The following ZNF844 variants were observed in gnomAD, a reference collection of about 807,000 sequenced individuals.
The protein encoded by ZNF844 is zinc finger protein 844.
A neutral mutation model predicts 11.4 loss-of-function variants in ZNF844; 11 were observed. The ratio of observed to expected loss-of-function variants is 0.97; its 90% CI spans 0.61 to 1.60. ZNF844 has a LOEUF of 1.60. ZNF844 is among the 40% of genes most tolerant of loss of function. The pLI, the probability that ZNF844 is intolerant of heterozygous loss-of-function variation, is 0.00. For synonymous variants in ZNF844, 248 were observed against 260.3 expected (o/e 0.95, Z 0.46); for missense variants, 790 against 796.8 (o/e 0.99, Z 0.10).
In ZNF844 at chr19:12,080,684, A is replaced by G. The variant is rs1975888104; in HGVS notation, c.*3563A>G. The G allele has an allele frequency of 6.5e-6, 1 of 153,148 alleles. No individual in the cohort carries two copies. Among genetic ancestry groups the G allele is most frequent in the Non-Finnish European group, 1.5e-5 (1 of 68,540 alleles). The allele number at this position is 153,148 out of a possible 1,614,324, so 9.5% of individuals were successfully genotyped here. On this transcript the variant is annotated 3_prime_UTR_variant, in exon 4 of 4. Transcript: ENST00000439326. ...GTTAAGGGCAAATTGAAGAGAAATAAAGACTAAGATATTTTTTTAAAAGAC... is the reference window on the plus strand; with the variant it reads ...GTTAAGGGCAAATTGAAGAGAAATAGAGACTAAGATATTTTTTTAAAAGAC...
Position 12,077,111 on chromosome 19 carries a change from C to A in ZNF844, c.1991C>A (p.Thr664Lys). The change falls in exon 4 of 4, where the codon ACA becomes AAA. Residue 664 changes from threonine to lysine, a missense_variant. By Grantham distance (78) the Thr-to-Lys change is moderately conservative (BLOSUM62 -1). Coordinates refer to ENST00000439326, the MANE Select transcript of ZNF844 (RefSeq NM_001136501.3). ...LVPFVDIKGL[T>K]LE ...CCTTTCGTAGACATAAAAGGGCTCA[C>A]ACTGGAGTGAAACCGTATGAATGCA... The A allele has an allele frequency of 6.3e-7, 1 of 1,598,272 alleles. No homozygotes were observed. The highest frequency in any genetic ancestry group is 8.5e-7 in the Non-Finnish European group (1 of 1,171,946).
chr19:12,073,395 A>G (rs924654010), intron 1 of ZNF844, among the ~76,000 whole-genome samples: 2 of 151,936 alleles, frequency 1.3e-5, no homozygotes, highest in Admixed American at 1.3e-4. Flanking sequence ...ATCTCAAGCG[A>G]TCCGCACGCC....
chr19:12,069,474 C>T lies in ZNF844; in HGVS notation c.4-4557C>T, dbSNP rs748598986. Reference sequence around the variant, plus strand: ...GCTGGAATTAACAGGGGTGAGCCATCGCGCCCAGCCAGGAATGACTTTATT... The same window carrying T: ...GCTGGAATTAACAGGGGTGAGCCATTGCGCCCAGCCAGGAATGACTTTATT... On this transcript the variant is annotated intron_variant, in intron 1 of 3. Coordinates refer to ENST00000439326, the MANE Select transcript of ZNF844 (RefSeq NM_001136501.3). Among the ~76,000 whole-genome samples, 6 of 151,106 alleles carry T rather than the reference C, an allele frequency of 4.0e-5. No homozygotes were observed. The East Asian group carries it at 5.9e-4, about 15-fold the overall frequency.
At position 12,077,645 on chromosome 19, in the gene ZNF844, A is replaced by G. The variant is rs1300802945; in HGVS notation, c.*524A>G. 3.7e-6 allele frequency: 2 copies of G among 538,278 alleles called. No homozygotes were observed. Among genetic ancestry groups the G allele is most frequent in the Non-Finnish European group, 7.4e-6 (2 of 270,242 alleles). 33.3% of individuals were successfully genotyped at this position (538,278 alleles called of 1,614,324 possible). On this transcript the variant is annotated 3_prime_UTR_variant, in exon 4 of 4. Transcript: ENST00000439326. ...GCGAGAAACCCTATGAATGTAAGCA[A>G]TGTGGGAAAGCCTACAGATCTGTCT...
At chr19:12,071,215 A>G (rs1345253131) in intron 1 of ZNF844, among the ~76,000 whole-genome samples, 1 of 152,148 alleles carries the variant, frequency 6.6e-6, no homozygotes, top group Non-Finnish European at 1.5e-5. Context: ...CCCATGATAC[A>G]TGTGAAACTG....
intron 1 of ZNF844, among the ~76,000 whole-genome samples, chr19:12,073,284 C>T (rs964317811): frequency 2.6e-5 from 4 of 152,106 alleles, no homozygotes; most frequent in Admixed American, 1.3e-4. Flanking sequence ...CTCAGCCTCC[C>T]GAGTACCTGG....
At position 12,080,695 on chromosome 19, in the gene ZNF844, A is replaced by AT. The variant is rs1014830217; in HGVS notation, c.*3581dup. On this transcript the variant is annotated 3_prime_UTR_variant, in exon 4 of 4. Transcript: ENST00000439326. Reference sequence around the variant, plus strand: ...ATTGAAGAGAAATAAAGACTAAGATATTTTTTTAAAAGACTGAAAGAATAG... The same window carrying AT: ...ATTGAAGAGAAATAAAGACTAAGATATTTTTTTTAAAAGACTGAAAGAATAG... 5 of 152,654 alleles carry AT rather than the reference A, an allele frequency of 3.3e-5. No individual in the cohort carries two copies. Among genetic ancestry groups the AT allele is most frequent in the African/African-American group, 9.7e-5 (4 of 41,438 alleles). The allele number at this position is 152,654 out of a possible 1,614,324, so 9.5% of individuals were successfully genotyped here.
intron 1 of ZNF844, among the ~76,000 whole-genome samples, chr19:12,071,636 CT>C (rs1975753452): frequency 6.6e-6 from 1 of 151,414 alleles, no homozygotes; most frequent in South Asian, 2.1e-4. Flanking sequence ...CTTCTTGGCC[CT>C]TTTCATATAT....
At chr19:12,073,968 G>A in intron 1 of ZNF844, 63 bp from the exon 2 acceptor site, 6 of 1,552,264 alleles carry the variant, frequency 3.9e-6, no homozygotes, top group East Asian at 2.3e-5. Context: ...CTTAGGAAGA[G>A]GGTATAGACC....
chr19:12,070,412 A>T (rs764148423), intron 1 of ZNF844: 3 of 152,248 alleles, frequency 2.0e-5, no homozygotes, highest in Non-Finnish European at 4.4e-5. Context: ...ATCCTGGCCC[A>T]TTACTGCAGG....
chr19:12,068,908 G>A (rs1045560671), intron 1 of ZNF844, among the ~76,000 whole-genome samples: 5 of 152,070 alleles, frequency 3.3e-5, no homozygotes, highest in Admixed American at 6.6e-5. Context: ...CCTGCAAAGA[G>A]GTCATTGAAG....
intron 3 of ZNF844, 24 bp downstream of exon 3, chr19:12,074,445 G>A (rs527239719): frequency 2.6e-5 from 39 of 1,474,518 alleles, no homozygotes; most frequent in Non-Finnish European, 3.5e-5. Flanking sequence ...ACGAGACAAA[G>A]CAATGTCTCT....
At chr19:12,070,767 G>C (rs1464972649) in intron 1 of ZNF844, among the ~76,000 whole-genome samples, 1 of 152,108 alleles carries the variant, frequency 6.6e-6, no homozygotes, top group Non-Finnish European at 1.5e-5. Context: ...TTGCCTATAT[G>C]TTATAGGACA....
chr19:12,065,256 A>G (rs1975675229), intron 1 of ZNF844, among the ~76,000 whole-genome samples: 1 of 152,088 alleles, frequency 6.6e-6, no homozygotes, highest in Non-Finnish European at 1.5e-5. Context: ...TGAGGCCCTC[A>G]GTGCCCCCTT....
In ZNF844 at chr19:12,076,866, C is replaced by G. The variant is rs1162354240; in HGVS notation, c.1746C>G (p.Asp582Glu). ...PFKYMQQCTE[D>E]RMPMNVKSVT... ...AATACATGCAACAATGCACAGAGGA[C>G]AGAATGCCTATGAATGTAAAGAGTG... is the stretch of plus-strand genomic sequence containing the variant. Residue 582 changes from aspartate to glutamate, a missense_variant, in exon 4 of 4, where the codon GAC becomes GAG. This residue lies in a region of ZNF844 where 657 missense variants were observed against 636.2 expected (regional missense o/e 1.03). Coordinates refer to ENST00000439326, the MANE Select transcript of ZNF844 (RefSeq NM_001136501.3). The G allele has an allele frequency of 1.3e-6, 2 of 1,565,084 alleles. No individual in the cohort carries two copies.
rs1009298959 is a variant in ZNF844 at position 12,064,758 on chromosome 19, G to T, written c.-116G>T. 57 of 1,161,600 alleles carry T rather than the reference G, an allele frequency of 4.9e-5. No homozygotes were observed. Among genetic ancestry groups the T allele is most frequent in the Non-Finnish European group, 6.3e-5 (52 of 822,124 alleles). The allele number at this position is 1,161,600 out of a possible 1,614,324, so 72.0% of individuals were successfully genotyped here. The stretch of plus-strand genomic sequence containing the variant: ...TCTTTGGCCCCTCCCGCCGGGTGAG[G>T]TTGGCACCCCGTTTTTCCTGCTCTG... On this transcript the variant is annotated 5_prime_UTR_variant, in exon 1 of 4. Coordinates refer to ENST00000439326, the MANE Select transcript of ZNF844 (RefSeq NM_001136501.3).
Position 12,076,119 on chromosome 19 carries a change from G to T in ZNF844, c.999G>T (p.Gly333=). The change falls in exon 4 of 4, where the codon GGG becomes GGT. Residue 333 remains glycine (G), a synonymous_variant. Coordinates refer to ENST00000439326, the MANE Select transcript of ZNF844 (RefSeq NM_001136501.3). ...YLCRHEVTHS[G]KKPCECKQCG... ...GTAGACATGAAGTGACCCACTCTGG[G>T]AAAAAGCCCTGTGAATGTAAACAAT... The T allele has an allele frequency of 5.1e-6, 8 of 1,569,640 alleles. No individual in the cohort carries two copies. The highest frequency in any genetic ancestry group is 6.9e-6 in the Non-Finnish European group (8 of 1,156,436).
At position 12,066,618 on chromosome 19, in the gene ZNF844, CTCACTGCAAGCTCTGCCTCCCGGGT is replaced by C. The variant is rs1424759857; in HGVS notation, c.3+1747_3+1771del. ...CTGGAGTGCAGTGACGCGATCTCGG[CTCACTGCAAGCTCTGCCTCCCGGGT>C]TCACGCCATTCTCCTGCCTCAGCCT... On this transcript the variant is annotated intron_variant, in intron 1 of 3. Transcript: ENST00000439326. Among the ~76,000 whole-genome samples, 3 of 145,716 alleles carry C rather than the reference CTCACTGCAAGCTCTGCCTCCCGGGT, an allele frequency of 2.1e-5. 1 individual carries two copies. The highest frequency in any genetic ancestry group is 4.5e-5 in the Non-Finnish European group (3 of 67,356).
Position 12,080,153 on chromosome 19 carries a change from C to T in ZNF844, c.*3032C>T, listed in dbSNP as rs1019581168. On this transcript the variant is annotated 3_prime_UTR_variant, in exon 4 of 4. Transcript: ENST00000439326. Reference sequence around the variant, plus strand: ...CACGAGGTCAGGAGATCAAGACCATCCTGGCTGACACGGTGAAACCCCGTC... The same window carrying T: ...CACGAGGTCAGGAGATCAAGACCATTCTGGCTGACACGGTGAAACCCCGTC... 5.5e-6 allele frequency: 1 copy of T among 182,284 alleles called. No individual in the cohort carries two copies. The highest frequency in any genetic ancestry group is 1.2e-5 in the Non-Finnish European group (1 of 86,930). The allele number at this position is 182,284 out of a possible 1,614,324, so 11.3% of individuals were successfully genotyped here.
Sources: allele counts gnomAD v4.1 joint callset (sites outside exome capture counted in the v4.1 genomes callset), GRCh38; gene constraint gnomAD v4.1.1; regional missense constraint gnomAD v4.1.1; transcripts MANE v1.5; gene names NCBI Gene and HGNC (gene_info 2026-07-23, HGNC 2026-07-21).